CADM2: variants seen among roughly 807,000 people sequenced by gnomAD.
CADM2 encodes the protein immunoglobulin superfamily member 4D.
Under a neutral mutation model 49.8 loss-of-function variants are expected in CADM2, and 12 were observed. That is an observed-to-expected ratio of 0.24 (90% confidence interval 0.15 to 0.39). The LOEUF is 0.39. Among genes scored for constraint, CADM2 ranks in the 10% least tolerant of loss-of-function variants. CADM2 has a pLI of 1.00. For synonymous variants in CADM2, 214 were observed against 175.4 expected, an observed-to-expected ratio of 1.22 and a Z score of -1.74; for missense variants, 378 against 492.3, an observed-to-expected ratio of 0.77 and a Z score of 2.20.
At chr3:85,580,209 A>G (rs967450678) in intron 1 of CADM2, among the ~76,000 whole-genome samples, 1 of 152,214 alleles carries the variant, frequency 6.6e-6, no homozygotes, top group Non-Finnish European at 1.5e-5. Flanking sequence ...CTACAATGCT[A>G]TCAACCTAGA....
intron 8 of CADM2, among the ~76,000 whole-genome samples, chr3:86,030,009 G>C (rs568514873): frequency 1.3e-5 from 2 of 151,980 alleles, no homozygotes; most frequent in Non-Finnish European, 2.9e-5. Context: ...ATGATCAAAA[G>C]TGATTTCAAG....
intron 1 of CADM2, among the ~76,000 whole-genome samples, chr3:85,726,306 C>T (rs931958399): frequency 2.6e-5 from 4 of 151,964 alleles, no homozygotes; most frequent in Non-Finnish European, 5.9e-5. Context: ...TAGTACATGG[C>T]TCCTGTCTGC....
At chr3:85,909,236 C>A (rs1411052578) in intron 5 of CADM2, among the ~76,000 whole-genome samples, 2 of 151,926 alleles carry the variant, frequency 1.3e-5, no homozygotes, top group African/African-American at 4.8e-5. Flanking sequence ...ATTTAAATGT[C>A]CAGAAGGTCT....
At chr3:85,875,846 T>A (rs1190079553) in intron 3 of CADM2, among the ~76,000 whole-genome samples, 3 of 152,210 alleles carry the variant, frequency 2.0e-5, no homozygotes, top group African/African-American at 7.2e-5. Context: ...AGTAGTCTAC[T>A]CTCAGGCAAC....
intron 3 of CADM2, among the ~76,000 whole-genome samples, chr3:85,844,324 A>T (rs147279413): frequency 6.6e-6 from 1 of 152,092 alleles, no homozygotes; most frequent in Non-Finnish European, 1.5e-5. Context: ...ATTTTTTGTT[A>T]TAATATTTTT....
At chr3:85,701,315 C>T (rs2066745296) in intron 1 of CADM2, among the ~76,000 whole-genome samples, 1 of 152,158 alleles carries the variant, frequency 6.6e-6, no homozygotes, top group South Asian at 2.1e-4. Context: ...ACTGGGATTA[C>T]ATTACAACAT....
chr3:85,294,851 A>G lies in CADM2; in HGVS notation c.61+335183A>G, dbSNP rs1000593963. On this transcript the variant is annotated intron_variant, in intron 1 of 9. Transcript: ENST00000383699. ...CCATAAAAACCCTAGAAGAATACCT[A>G]GGCATTACCATTCAGGACATAGGCA... 3.7e-4 allele frequency among the ~76,000 whole-genome samples: 57 copies of G among 152,222 alleles called. 1 individual carries two copies. Among genetic ancestry groups the G allele is most frequent in the Non-Finnish European group, 1.5e-4 (10 of 68,044 alleles).
intron 6 of CADM2, among the ~76,000 whole-genome samples, chr3:85,917,359 T>A (rs935138251): frequency 6.6e-6 from 1 of 151,074 alleles, no homozygotes; most frequent in Admixed American, 6.6e-5. Context: ...GTGTAAGGAA[T>A]GGATCCAGTT....
At position 86,012,592 on chromosome 3, in the gene CADM2, C is replaced by T. The variant is rs183808284; in HGVS notation, c.970+50945C>T. 8,666 of 1,570,720 alleles carry T rather than the reference C, an allele frequency of 5.5e-3. 60 individuals are homozygous for T. The highest frequency in any genetic ancestry group is 0.031 in the Admixed American group (1,721 of 56,128). On this transcript the variant is annotated intron_variant, in intron 8 of 9. Coordinates refer to ENST00000383699, the MANE Select transcript of CADM2 (RefSeq NM_001167675.2). ...AACTTCTGCGCTGCCCCCAACTGCACGCGAAGCGCACGCAGTCCGACCTGG... is the reference window on the plus strand; with the variant it reads ...AACTTCTGCGCTGCCCCCAACTGCATGCGAAGCGCACGCAGTCCGACCTGG...
Position 84,974,759 on chromosome 3 carries a change from T to A in CADM2, c.61+15091T>A, listed in dbSNP as rs1470485711. On this transcript the variant is annotated intron_variant, in intron 1 of 9. Coordinates refer to ENST00000383699, the MANE Select transcript of CADM2 (RefSeq NM_001167675.2). ...ATAAAAACCTTCCTAAGAAGCAAGATATATCACACTTTATTACTTACCTCA... is the reference window on the plus strand; with the variant it reads ...ATAAAAACCTTCCTAAGAAGCAAGAAATATCACACTTTATTACTTACCTCA... Among the ~76,000 whole-genome samples, 3 of 151,976 alleles carry A rather than the reference T, an allele frequency of 2.0e-5. No individual in the cohort carries two copies. In the East Asian group the frequency reaches 5.8e-4, roughly 29 times the overall value.
At chr3:85,717,992 A>G (rs1339708747) in intron 1 of CADM2, among the ~76,000 whole-genome samples, 1 of 151,732 alleles carries the variant, frequency 6.6e-6, no homozygotes, top group Non-Finnish European at 1.5e-5. Flanking sequence ...CTGGTCTTGA[A>G]CTCCTCACTT....
rs1553743549 is a variant in CADM2 at position 85,568,397 on chromosome 3, C to CTCTTTTCTTTCTTTCTTTCTT, written c.62-158120_62-158119insTCTTTCTTTCTTTCTTTCTTT. 7.1e-4 allele frequency among the ~76,000 whole-genome samples: 37 copies of CTCTTTTCTTTCTTTCTTTCTT among 52,092 alleles called. 1 individual carries two copies. Among genetic ancestry groups the CTCTTTTCTTTCTTTCTTTCTT allele is most frequent in the African/African-American group, 1.5e-3 (36 of 23,332 alleles). 34.2% of individuals were successfully genotyped at this position (52,092 alleles called of 152,430 possible). A position where few individuals can be genotyped will look rare whatever the true frequency, so the allele number is the denominator to read the frequency against. Reference sequence around the variant, plus strand: ...GTTACCTACAATCTTTCCTTCCTCCCTCTTTCTTTCTTTCTTTCTTTCTTT... The same window carrying CTCTTTTCTTTCTTTCTTTCTT: ...GTTACCTACAATCTTTCCTTCCTCCCTCTTTTCTTTCTTTCTTTCTTTCTTTCTTTCTTTCTTTCTTTCTTT... On this transcript the variant is annotated intron_variant, in intron 1 of 9. Coordinates refer to ENST00000383699, the MANE Select transcript of CADM2 (RefSeq NM_001167675.2).
intron 1 of CADM2, among the ~76,000 whole-genome samples, chr3:85,379,864 G>T (rs1322106000): frequency 6.6e-6 from 1 of 152,028 alleles, no homozygotes; most frequent in Non-Finnish European, 1.5e-5. Flanking sequence ...TCTATAACTG[G>T]AGTTGATGCC....
intron 1 of CADM2, among the ~76,000 whole-genome samples, chr3:85,550,697 C>G (rs182927456): frequency 5.9e-5 from 9 of 152,228 alleles, no homozygotes; most frequent in Non-Finnish European, 1.2e-4. Context: ...CTATTCTCAC[C>G]AAAATGTTTC....
intron 1 of CADM2, among the ~76,000 whole-genome samples, chr3:85,375,436 T>G (rs1023570862): frequency 1.4e-4 from 22 of 152,198 alleles, no homozygotes; most frequent in African/African-American, 5.1e-4. Flanking sequence ...GTATCAATGC[T>G]TCTGGAAGTC....
At chr3:85,414,633 C>A (rs951547598) in intron 1 of CADM2, among the ~76,000 whole-genome samples, 11 of 152,004 alleles carry the variant, frequency 7.2e-5, no homozygotes, top group African/African-American at 2.7e-4. Context: ...GCTAAGCAAT[C>A]CAGGGGAAAC....
chr3:85,231,067 G>A (rs1400711493), intron 1 of CADM2, among the ~76,000 whole-genome samples: 1 of 151,344 alleles, frequency 6.6e-6, no homozygotes, highest in African/African-American at 2.4e-5. Context: ...GTCACCCTTG[G>A]CCTGCATATT....
intron 3 of CADM2, among the ~76,000 whole-genome samples, chr3:85,852,605 A>G (rs2075151689): frequency 6.6e-6 from 1 of 152,140 alleles, no homozygotes; most frequent in South Asian, 2.1e-4. Flanking sequence ...GTATACAAGG[A>G]TGGAGACAAG....
chr3:84,961,477 C>T (rs901929983), intron 1 of CADM2, among the ~76,000 whole-genome samples: 3 of 152,206 alleles, frequency 2.0e-5, no homozygotes, highest in African/African-American at 7.2e-5. Context: ...AGTCCCATTT[C>T]TCACCTTTCA....
Sources: allele counts gnomAD v4.1 joint callset (sites outside exome capture counted in the v4.1 genomes callset), GRCh38; gene constraint gnomAD v4.1.1; transcripts MANE v1.5; gene names NCBI Gene and HGNC (gene_info 2026-07-23, HGNC 2026-07-21).